MALRD1: variants seen among roughly 807,000 people sequenced by gnomAD.
MALRD1 encodes the protein MAM and LDL receptor class A domain containing 1, also known as MAM and LDL-receptor class A domain-containing protein 1.
MALRD1 carries 247 observed loss-of-function variants against 242.1 expected under a neutral mutation model. The observed-to-expected ratio is 1.02, with a 90% CI of 0.92 to 1.13. MALRD1 has a LOEUF of 1.13. Among genes scored for constraint, MALRD1 ranks in the 50% most tolerant of loss-of-function variants. The pLI, the probability that MALRD1 is intolerant of heterozygous loss-of-function variation, is 0.00. For missense variants in MALRD1, 2,989 were observed against 2,533.1 expected (o/e 1.18, Z -3.86); for synonymous variants, 995 against 866.6 (o/e 1.15, Z -2.60).
At position 19,452,807 on chromosome 10, in the gene MALRD1, G is replaced by A. The variant is rs75101181; in HGVS notation, c.5029+2317G>A. 6.0e-3 allele frequency among the ~76,000 whole-genome samples: 915 copies of A among 152,224 alleles called. 14 individuals are homozygous for A. Among genetic ancestry groups the A allele is most frequent in the Admixed American group, 0.024 (365 of 15,278 alleles). ...GTGAGAATGGTATTTAGCAAAACAC[G>A]TCAAAGTCAGAAAGGCACTTTATCA... On this transcript the variant is annotated intron_variant, in intron 29 of 39. Transcript: ENST00000454679.
chr10:19,137,674 G>A (rs559372738), intron 10 of MALRD1, among the ~76,000 whole-genome samples: 1 of 151,124 alleles, frequency 6.6e-6, no homozygotes, highest in Non-Finnish European at 1.5e-5. Context: ...GGGCCAAAGT[G>A]CCCCAACACC....
chr10:19,590,056 A>T (rs1837683466), intron 33 of MALRD1, among the ~76,000 whole-genome samples: 1 of 152,112 alleles, frequency 6.6e-6, no homozygotes, highest in Admixed American at 6.6e-5. Flanking sequence ...CAAGCAGCTC[A>T]CTGGGCATAG....
chr10:19,113,792 T>TACACACACACACACACACACACACAC (rs753384799), intron 5 of MALRD1, among the ~76,000 whole-genome samples: 1 of 134,488 alleles, frequency 7.4e-6, no homozygotes, highest in Admixed American at 7.5e-5. Context: ...TACCACCCCC[T>TACACACACACACACACACACACACAC]ACACACACAC....
chr10:19,347,720 A>C, intron 24 of MALRD1, 51 bp from the exon 25 acceptor site: 1 of 1,539,446 alleles, frequency 6.5e-7, no homozygotes, highest in Non-Finnish European at 8.8e-7. Flanking sequence ...GCATGTTTTA[A>C]AGTAGGCAAA....
chr10:19,660,336 G>A (rs1841369633), intron 36 of MALRD1, among the ~76,000 whole-genome samples: 1 of 152,152 alleles, frequency 6.6e-6, no homozygotes, highest in Non-Finnish European at 1.5e-5. Context: ...AATTGAAAAT[G>A]TGTAAATTTT....
intron 36 of MALRD1, among the ~76,000 whole-genome samples, chr10:19,626,645 T>C (rs1839665668): frequency 6.6e-6 from 1 of 151,768 alleles, no homozygotes; most frequent in South Asian, 2.1e-4. Flanking sequence ...AGGCCTATAC[T>C]GAATAGTACA....
intron 24 of MALRD1, among the ~76,000 whole-genome samples, chr10:19,334,119 GTTTTTT>G (rs56931838): frequency 1.5e-5 from 1 of 66,790 alleles, no homozygotes; most frequent in African/African-American, 6.1e-5. Flanking sequence ...CTGTTGGTAG[GTTTTTT>G]TTTTTTTTTT....
At chr10:19,096,544 C>T (rs994894780) in intron 4 of MALRD1, among the ~76,000 whole-genome samples, 5 of 152,174 alleles carry the variant, frequency 3.3e-5, no homozygotes, top group African/African-American at 9.7e-5. Flanking sequence ...TCTATCCTGT[C>T]AGCAAGTGAG....
In MALRD1 at chr10:19,283,104, A is replaced by G. The variant is rs1840899990; in HGVS notation, c.3342A>G (p.Thr1114=). ...IPVHLLQDSN[T]FRWGLGNGIS... ...TACATTTGCTTCAAGATTCAAACAC[A>G]TTCAGGTGGGGGCTTGGGAACGGGA... Residue 1114 remains threonine, a synonymous_variant, in exon 21 of 40, where the codon ACA becomes ACG. Transcript: ENST00000454679. 1 of 1,549,898 alleles carries G rather than the reference A, an allele frequency of 6.5e-7. No individual in the cohort carries two copies.
intron 21 of MALRD1, among the ~76,000 whole-genome samples, chr10:19,311,643 A>G (rs1002200640): frequency 6.6e-6 from 1 of 151,516 alleles, no homozygotes; most frequent in Non-Finnish European, 1.5e-5. Context: ...ATGTCTGTCA[A>G]TATAATCAAC....
At chr10:19,245,388 CAT>C (rs1158626414) in intron 18 of MALRD1, among the ~76,000 whole-genome samples, 2 of 152,016 alleles carry the variant, frequency 1.3e-5, no homozygotes, top group South Asian at 4.1e-4. Context: ...CTAGGGAAAA[CAT>C]AGCAAAAATT....
chr10:19,455,045 A>G (rs1308198673), intron 29 of MALRD1, among the ~76,000 whole-genome samples: 4 of 152,304 alleles, frequency 2.6e-5, no homozygotes, highest in African/African-American at 9.6e-5. Flanking sequence ...CAGGAACACA[A>G]TAAGAAGGCT....
intron 28 of MALRD1, among the ~76,000 whole-genome samples, chr10:19,434,677 G>A (rs905949102): frequency 1.3e-5 from 2 of 151,634 alleles, no homozygotes; most frequent in Non-Finnish European, 2.9e-5. Flanking sequence ...AACTATGGAG[G>A]ATTTTAATAC....
At position 19,497,178 on chromosome 10, in the gene MALRD1, A is replaced by G. The variant is rs118004630; in HGVS notation, c.5159-1307A>G. Among the ~76,000 whole-genome samples, 718 of 152,254 alleles carry G rather than the reference A, an allele frequency of 4.7e-3. 7 individuals are homozygous for G. Among genetic ancestry groups the G allele is most frequent in the Non-Finnish European group, 6.0e-3 (411 of 68,008 alleles). On this transcript the variant is annotated intron_variant, in intron 30 of 39. Coordinates refer to ENST00000454679, the MANE Select transcript of MALRD1 (RefSeq NM_001142308.3). ...GAATGTGCAGGTGACATCATTCTAAAGAACACATGATGACTGTCTTTTATG... is the reference window on the plus strand; with the variant it reads ...GAATGTGCAGGTGACATCATTCTAAGGAACACATGATGACTGTCTTTTATG...
chr10:19,375,003 T>G (rs534021001), intron 26 of MALRD1, among the ~76,000 whole-genome samples: 76 of 152,276 alleles, frequency 5.0e-4, no homozygotes, highest in Non-Finnish European at 9.1e-4. Flanking sequence ...TGTGAAAGAA[T>G]GGTCACAAAG....
intron 1 of MALRD1, among the ~76,000 whole-genome samples, chr10:19,064,497 G>A (rs1401908836): frequency 6.6e-6 from 1 of 150,690 alleles, no homozygotes; most frequent in Non-Finnish European, 1.5e-5. Context: ...GTTATTAGAA[G>A]TTCAGGATTG....
chr10:19,704,548 G>T (rs538581124), intron 38 of MALRD1, among the ~76,000 whole-genome samples: 3 of 152,118 alleles, frequency 2.0e-5, no homozygotes, highest in Admixed American at 6.6e-5. Flanking sequence ...TATACATTTG[G>T]GGGGACACAA....
In MALRD1 at chr10:19,126,138, A is replaced by G. The variant is rs374406787; in HGVS notation, c.943+1468A>G. On this transcript the variant is annotated intron_variant, in intron 7 of 39. Transcript: ENST00000454679. ...TGTAGTGACAGAGAAGTCTGAGTGCATGTAATGGTTTTTAGTTTAATGCAG... is the reference window on the plus strand; with the variant it reads ...TGTAGTGACAGAGAAGTCTGAGTGCGTGTAATGGTTTTTAGTTTAATGCAG... Among the ~76,000 whole-genome samples the G allele has an allele frequency of 1.1e-3, 172 of 152,068 alleles. 1 individual carries two copies. The highest frequency in any genetic ancestry group is 0.01 in the Middle Eastern group (3 of 294).
At chr10:19,178,172 A>G (rs1482295831) in intron 14 of MALRD1, among the ~76,000 whole-genome samples, 2 of 152,202 alleles carry the variant, frequency 1.3e-5, no homozygotes, top group South Asian at 2.1e-4. Context: ...ATTCATGGAT[A>G]TGTGCATCCA....
Sources: allele counts gnomAD v4.1 joint callset (sites outside exome capture counted in the v4.1 genomes callset), GRCh38; gene constraint gnomAD v4.1.1; transcripts MANE v1.5; gene names NCBI Gene and HGNC (gene_info 2026-07-23, HGNC 2026-07-21).